Variants in GFOD1 observed in about 807,000 individuals in gnomAD.
The protein encoded by GFOD1 is Gfo/Idh/MocA-like oxidoreductase domain containing 1.
Under a neutral mutation model 25.4 loss-of-function variants are expected in GFOD1, and 9 were observed. The ratio of observed to expected loss-of-function variants is 0.35; its 90% confidence interval spans 0.21 to 0.62. GFOD1 has a LOEUF of 0.62. GFOD1 is among the 20% of genes least tolerant of loss of function. GFOD1 has a pLI of 0.72. For missense variants in GFOD1, 403 were observed against 556.9 expected, an observed-to-expected ratio of 0.72 and a Z score of 2.78; for synonymous variants, 253 against 245.6, an observed-to-expected ratio of 1.03 and a Z score of -0.28.
At chr6:13,389,828 C>T (rs1785548048) in intron 1 of GFOD1, among the ~76,000 whole-genome samples, 1 of 152,098 alleles carries the variant, frequency 6.6e-6, no homozygotes, top group Non-Finnish European at 1.5e-5. Context: ...AATACTGACA[C>T]ATACACACCC....
intron 1 of GFOD1, among the ~76,000 whole-genome samples, chr6:13,370,221 T>G (rs900027843): frequency 3.9e-5 from 6 of 152,176 alleles, no homozygotes; most frequent in African/African-American, 1.4e-4. Flanking sequence ...TGCCAGGTCT[T>G]CTTGCTCCAT....
intron 1 of GFOD1, among the ~76,000 whole-genome samples, chr6:13,484,261 A>G (rs992554562): frequency 5.3e-5 from 8 of 152,182 alleles, no homozygotes; most frequent in Non-Finnish European, 7.3e-5. Flanking sequence ...AGCAATTCAA[A>G]GTCCAGGCCT....
chr6:13,395,839 G>A (rs1785718728), intron 1 of GFOD1, among the ~76,000 whole-genome samples: 1 of 152,230 alleles, frequency 6.6e-6, no homozygotes, highest in South Asian at 2.1e-4. Context: ...CTGAGGACCT[G>A]ACCCTGAGGG....
intron 1 of GFOD1, among the ~76,000 whole-genome samples, chr6:13,467,837 T>G (rs1045507653): frequency 5.3e-5 from 8 of 152,302 alleles, no homozygotes; most frequent in African/African-American, 1.9e-4. Context: ...CCAATTACTC[T>G]CCTAAACAAC....
intron 1 of GFOD1, among the ~76,000 whole-genome samples, chr6:13,370,330 G>A (rs138941900): frequency 1.3e-5 from 2 of 152,348 alleles, no homozygotes; most frequent in African/African-American, 4.8e-5. Context: ...ACAACCTGAA[G>A]CCCATGCACG....
chr6:13,469,101 C>CA (rs1387516623), intron 1 of GFOD1, among the ~76,000 whole-genome samples: 10 of 152,156 alleles, frequency 6.6e-5, no homozygotes, highest in African/African-American at 2.4e-4. Context: ...GGGGACTTCC[C>CA]AGAACTCAGT....
intron 1 of GFOD1, among the ~76,000 whole-genome samples, chr6:13,416,132 TA>T (rs1281402464): frequency 6.6e-6 from 1 of 152,348 alleles, no homozygotes; most frequent in East Asian, 1.9e-4. Context: ...CATACCCCCT[TA>T]ATGCTCTCTC....
At chr6:13,432,150 T>C (rs1157599805) in intron 1 of GFOD1, among the ~76,000 whole-genome samples, 6 of 152,162 alleles carry the variant, frequency 3.9e-5, no homozygotes, top group South Asian at 4.1e-4. Context: ...CACAAGTCCA[T>C]TCAGAAACAG....
At chr6:13,453,122 T>C (rs1004234942) in intron 1 of GFOD1, among the ~76,000 whole-genome samples, 5 of 152,232 alleles carry the variant, frequency 3.3e-5, no homozygotes, top group Non-Finnish European at 5.9e-5. Context: ...AAAGAAAGAA[T>C]TCAATTTTCA....
At chr6:13,408,422 C>T (rs759921090) in intron 1 of GFOD1, among the ~76,000 whole-genome samples, 2 of 152,118 alleles carry the variant, frequency 1.3e-5, no homozygotes, top group African/African-American at 2.4e-5. Context: ...AATTGTGAAG[C>T]GAGAATAGCT....
At chr6:13,407,397 C>T (rs1328577111) in intron 1 of GFOD1, among the ~76,000 whole-genome samples, 1 of 152,220 alleles carries the variant, frequency 6.6e-6, no homozygotes, top group Non-Finnish European at 1.5e-5. Context: ...TCTTACACCC[C>T]TACCAGCTCC....
chr6:13,409,215 G>GAAAGAAAGAGAAAGAA (rs1562209633), intron 1 of GFOD1, among the ~76,000 whole-genome samples: 1 of 34,214 alleles, frequency 2.9e-5, no homozygotes. Context: ...AAGAAGGAAA[G>GAAAGAAAGAGAAAGAA]AGAGAGAGAG....
At chr6:13,414,376 C>T (rs761341376) in intron 1 of GFOD1, among the ~76,000 whole-genome samples, 5 of 152,242 alleles carry the variant, frequency 3.3e-5, no homozygotes, top group African/African-American at 4.8e-5. Flanking sequence ...TCGGCCAGCG[C>T]CCTGCAAATC....
intron 1 of GFOD1, among the ~76,000 whole-genome samples, chr6:13,409,169 AAG>A (rs201663825): frequency 0.046 from 2,447 of 53,348 alleles, 333 homozygotes; most frequent in African/African-American, 0.095. Context: ...AAAGAAAGGA[AAG>A]AGAGAGAGAG....
chr6:13,473,581 T>C (rs1758553338), intron 1 of GFOD1, among the ~76,000 whole-genome samples: 1 of 152,218 alleles, frequency 6.6e-6, no homozygotes, highest in Admixed American at 6.5e-5. Context: ...AAGAAAAGTA[T>C]TTGTAGAATT....
rs759170224 is a variant in GFOD1 at position 13,486,810 on chromosome 6, C to T, written c.81G>A (p.Ala27=). 7 of 1,613,868 alleles carry T rather than the reference C, an allele frequency of 4.3e-6. No homozygotes were observed. Among genetic ancestry groups the T allele is most frequent in the Middle Eastern group, 1.6e-4 (1 of 6,084 alleles). The part of the protein sequence containing the change: ...IIPLLKDEGF[A]VKALWGRTQE... ...GCGTGCGGCCCCACAGCGCCTTCAC[C>T]GCGAAGCCCTCGTCTTTCAGCAGCG... The change falls in exon 1 of 2, where the codon GCG becomes GCA. Residue 27 remains alanine, a synonymous_variant. Coordinates refer to ENST00000379287, the MANE Select transcript of GFOD1 (RefSeq NM_018988.4).
chr6:13,470,529 G>T, intron 1 of GFOD1: 1 of 1,549,110 alleles, frequency 6.5e-7, no homozygotes, highest in Non-Finnish European at 8.7e-7. Flanking sequence ...CCCATGTGGG[G>T]GTGCTGGAGG....
At chr6:13,475,081 AT>A (rs1219709335) in intron 1 of GFOD1, among the ~76,000 whole-genome samples, 1 of 152,196 alleles carries the variant, frequency 6.6e-6, no homozygotes, top group Non-Finnish European at 1.5e-5. Flanking sequence ...CACAAAACCA[AT>A]GCTTACAAAT....
intron 1 of GFOD1, among the ~76,000 whole-genome samples, chr6:13,373,949 A>G (rs1223446802): frequency 6.6e-6 from 1 of 152,198 alleles, no homozygotes; most frequent in South Asian, 2.1e-4. Context: ...CTTAACATCA[A>G]TACAACTTCC....
Sources: gnomAD v4.1 joint callset for allele counts (sites outside exome capture counted in the v4.1 genomes callset) on GRCh38, gnomAD v4.1.1 for gene constraint, MANE v1.5 for transcripts, NCBI Gene and HGNC (gene_info 2026-07-23, HGNC 2026-07-21) for gene names.